Variants in BIN2 observed in about 807,000 individuals in gnomAD.
The protein encoded by BIN2 is bridging integrator 2.
A neutral mutation model predicts 67.9 loss-of-function variants in BIN2; 43 were observed. The ratio of observed to expected loss-of-function variants is 0.63; its 90% CI spans 0.50 to 0.82. The LOEUF (loss-of-function observed/expected upper bound fraction) is 0.82, where lower values mean the gene tolerates loss of function less well. Ranked by LOEUF, BIN2 falls within the 40% of genes least tolerant of loss-of-function variation. The probability of loss-of-function intolerance (pLI) is 0.00; values close to 1 mark genes in which losing one functional copy is unlikely to be tolerated. For missense variants in BIN2, 581 were observed against 671.6 expected (o/e 0.87, Z 1.49); for synonymous variants, 244 against 246.8 (o/e 0.99, Z 0.11).
chr12:51,303,228 G>A (rs1945778891), intron 2 of BIN2, 87 bp from the exon 3 acceptor site: 3 of 1,331,698 alleles, frequency 2.3e-6, no homozygotes, highest in South Asian at 2.4e-5. Flanking sequence ...TAGGTTAAGA[G>A]CAGAAATCAC....
chr12:51,306,728 A>T (rs74093814), intron 2 of BIN2, among the ~76,000 whole-genome samples: 19,091 of 152,260 alleles, frequency 0.13, 1,293 homozygotes, highest in East Asian at 0.22. Context: ...ACTGGTGACC[A>T]TGAGAAAGCA....
At chr12:51,321,930 G>T (rs4762042) in intron 1 of BIN2, among the ~76,000 whole-genome samples, 81,589 of 152,066 alleles carry the variant, frequency 0.54, 22,033 homozygotes, top group Non-Finnish European at 0.56. Flanking sequence ...TCAGGCTGAC[G>T]GAGCTGAGCT....
chr12:51,297,270 C>CT (rs1420416224), intron 7 of BIN2, 106 bp from the exon 8 acceptor site: 71 of 1,144,474 alleles, frequency 6.2e-5, no homozygotes, highest in Non-Finnish European at 8.4e-5. Context: ...ACCAAGGCTC[C>CT]TAAATGAAAG....
rs186677156 is a variant in BIN2 at position 51,287,851 on chromosome 12, C to A, written c.1596+257G>T. Among the ~76,000 whole-genome samples, 177 of 151,834 alleles carry A rather than the reference C, an allele frequency of 1.2e-3. 1 individual carries two copies. Among genetic ancestry groups the A allele is most frequent in the African/African-American group, 4.0e-3 (165 of 41,408 alleles). On this transcript the variant is annotated intron_variant, in intron 11 of 12. Transcript: ENST00000615107. ...TATTTTTAGTAGAGACGGGGTTTCA[C>A]CGTGTTAGCCAGGATGATCTCGATC...
chr12:51,302,241 A>T, intron 4 of BIN2, 126 bp from the exon 5 acceptor site: 1 of 651,188 alleles, frequency 1.5e-6, no homozygotes, highest in East Asian at 2.8e-5. Context: ...ACCATGTTGG[A>T]TTCTGGGGAC....
chr12:51,307,706 G>A (rs1218761576), intron 2 of BIN2, among the ~76,000 whole-genome samples: 1 of 146,028 alleles, frequency 6.8e-6, no homozygotes, highest in Non-Finnish European at 1.5e-5. Context: ...GAGAAACTCC[G>A]TCTCAAAAAA....
At chr12:51,324,240 C>T (rs1946373763), upstream of BIN2, 1 of 1,440,028 alleles carries the variant, frequency 6.9e-7, no homozygotes, top group South Asian at 1.5e-5. Flanking sequence ...CCCTGGCCAG[C>T]CCTGAGGCCC....
intron 2 of BIN2, 96 bp from the exon 3 acceptor site, chr12:51,303,237 A>C: frequency 2.4e-6 from 3 of 1,227,478 alleles, no homozygotes; most frequent in Non-Finnish European, 3.6e-6. Flanking sequence ...AGCAGAAATC[A>C]CACCTGGAAT....
At position 51,303,130 on chromosome 12, in the gene BIN2, GTGGCCTTC is replaced by G; in HGVS notation, c.166_173del (p.Glu56GlnfsTer11). ...AGTTCTTCAGGTCCTTGTACAGCTT[GTGGCCTTC>G]TGCCTGAAAGAGAAAAGTACATTTG... On this transcript the variant is annotated frameshift_variant, in exon 3 of 13. Transcript: ENST00000615107. LOFTEE classifies it high-confidence loss of function. The G allele has an allele frequency of 6.2e-7, 1 of 1,614,140 alleles. No homozygotes were observed. The highest frequency in any genetic ancestry group is 8.5e-7 in the Non-Finnish European group (1 of 1,179,974).
chr12:51,289,501 G>A (rs1235880996), intron 10 of BIN2, among the ~76,000 whole-genome samples: 1 of 152,028 alleles, frequency 6.6e-6, no homozygotes, highest in Non-Finnish European at 1.5e-5. Flanking sequence ...TGTAGTACCA[G>A]CTACGTGGGA....
At chr12:51,296,938 T>C (rs1945581586) in intron 8 of BIN2, 151 bp downstream of exon 8, 1 of 657,090 alleles carries the variant, frequency 1.5e-6, no homozygotes, top group Non-Finnish European at 2.6e-6. Context: ...TACAGTTAAG[T>C]ACACAATCAA....
In BIN2 at chr12:51,297,070, T is replaced by C. The variant is rs1200329393; in HGVS notation, c.678+19A>G. 1.2e-6 allele frequency: 2 copies of C among 1,603,866 alleles called. No homozygotes were observed. Among genetic ancestry groups the C allele is most frequent in the African/African-American group, 1.3e-5 (1 of 74,630 alleles). ...TAGAAAACACACCTAGGAGCCTCAA[T>C]TGGCCAGACACCTCTCACCTTGCTC... is the stretch of plus-strand genomic sequence containing the variant. On this transcript the variant is annotated intron_variant, in intron 8 of 12. Transcript: ENST00000615107.
Position 51,311,929 on chromosome 12 carries a change from G to A in BIN2, c.162+1894C>T, listed in dbSNP as rs185912243. Reference sequence around the variant, plus strand: ...TGGGATTACAGGCATGTCCTATCACGCCCAGCTAATTTTTGTATTTTTAGT... The same window carrying A: ...TGGGATTACAGGCATGTCCTATCACACCCAGCTAATTTTTGTATTTTTAGT... On this transcript the variant is annotated intron_variant, in intron 2 of 12. Coordinates refer to ENST00000615107, the MANE Select transcript of BIN2 (RefSeq NM_016293.4). Among the ~76,000 whole-genome samples, 231 of 152,040 alleles carry A rather than the reference G, an allele frequency of 1.5e-3. 1 individual carries two copies. Among genetic ancestry groups the A allele is most frequent in the Admixed American group, 0.013 (200 of 15,254 alleles).
intron 10 of BIN2, among the ~76,000 whole-genome samples, chr12:51,288,996 C>G (rs957967797): frequency 3.3e-5 from 5 of 152,060 alleles, no homozygotes; most frequent in Non-Finnish European, 7.4e-5. Context: ...GATCCGCCCA[C>G]CTCAGCCTCC....
chr12:51,282,354 G>A (rs1037846554), intron 12 of BIN2, among the ~76,000 whole-genome samples: 1 of 152,028 alleles, frequency 6.6e-6, no homozygotes, highest in Admixed American at 6.6e-5. Flanking sequence ...ACATTTTAAT[G>A]GAGCTGAAAA....
In BIN2 at chr12:51,302,032, G is replaced by T; in HGVS notation, c.396C>A (p.Phe132Leu). The T allele has an allele frequency of 6.2e-7, 1 of 1,612,442 alleles. No homozygotes were observed. Among genetic ancestry groups the T allele is most frequent in the Non-Finnish European group, 8.5e-7 (1 of 1,178,588 alleles). ...VRTMEIYVAQFSEIKERIAKR... is the reference protein window; with the variant it reads ...VRTMEIYVAQLSEIKERIAKR... ...GTACATTGAGTACCTTAATTTCACT[G>T]AACTGGGCAACATAGATTTCCATGG... is the stretch of plus-strand genomic sequence containing the variant. The change falls in exon 5 of 13, where the codon TTC (phenylalanine) becomes TTA (leucine). Residue 132 changes from phenylalanine (F) to leucine (L), a missense_variant. Transcript: ENST00000615107.
rs1273990728 is a variant in BIN2, at chr12:51,295,852, C to T, written c.705G>A (p.Met235Ile). Residue 235 changes from methionine (M) to isoleucine (I), a missense_variant, in exon 9 of 13, where the codon ATG becomes ATA. Transcript: ENST00000615107. ...TGGAATGTTGCTTCTCCAGTTTGCTCATCACCTCGTAGAGATTGTGGTTCA... is the reference window on the plus strand; with the variant it reads ...TGGAATGTTGCTTCTCCAGTTTGCTTATCACCTCGTAGAGATTGTGGTTCA... ...SKLNHNLYEV[M>I]SKLEKQHSNK... 1 of 1,613,064 alleles carries T rather than the reference C, an allele frequency of 6.2e-7. No individual in the cohort carries two copies. Among genetic ancestry groups the T allele is most frequent in the Admixed American group, 1.7e-5 (1 of 59,904 alleles).
At chr12:51,295,575 AAAAT>A (rs1403764749) in intron 9 of BIN2, among the ~76,000 whole-genome samples, 10 of 18,274 alleles carry the variant, frequency 5.5e-4, no homozygotes, top group Non-Finnish European at 2.9e-4. Flanking sequence ...AAAAAAAAAA[AAAAT>A]ATATATATAT....
At chr12:51,308,548 T>C (rs1472248645) in intron 2 of BIN2, among the ~76,000 whole-genome samples, 2 of 152,038 alleles carry the variant, frequency 1.3e-5, no homozygotes, top group Non-Finnish European at 2.9e-5. Flanking sequence ...TGGAGAAAAA[T>C]TGGCTCAGAC....
Sources: gnomAD v4.1 joint callset for allele counts (sites outside exome capture counted in the v4.1 genomes callset) on GRCh38, gnomAD v4.1.1 for gene constraint, MANE v1.5 for transcripts, NCBI Gene and HGNC (gene_info 2026-07-23, HGNC 2026-07-21) for gene names.